Variants in NDUFA5 observed in about 807,000 individuals in gnomAD.
The protein encoded by NDUFA5 is NADH:ubiquinone oxidoreductase subunit A5, also known as NADH dehydrogenase [ubiquinone] 1 alpha subcomplex subunit 5.
Under a neutral mutation model 19.8 loss-of-function variants are expected in NDUFA5, and 11 were observed. The ratio of observed to expected loss-of-function variants is 0.56; its 90% CI spans 0.35 to 0.92. The LOEUF is 0.92. NDUFA5 is among the 40% of genes least tolerant of loss of function. The pLI, the probability that NDUFA5 is intolerant of heterozygous loss-of-function variation, is 0.01. For synonymous variants in NDUFA5, 47 were observed against 46.8 expected (o/e 1.00, Z -0.01); for missense variants, 109 against 134.2 (o/e 0.81, Z 0.93).
the NDUFA5 span, among the ~76,000 whole-genome samples, chr7:123,568,351 A>AC: frequency 7.1e-5 from 10 of 140,156 alleles, no homozygotes; most frequent in Non-Finnish European, 1.5e-4. Context: ...CATCTCTACT[A>AC]AAAAAAAAAA....
the NDUFA5 span, among the ~76,000 whole-genome samples, chr7:123,580,984 A>C: frequency 1.1e-4 from 16 of 151,886 alleles, no homozygotes; most frequent in Non-Finnish European, 1.3e-4. Flanking sequence ...CAGGAAACCA[A>C]ACCAACAGGC....
At chr7:123,550,983 T>C (rs1798316166) in intron 2 of NDUFA5, among the ~76,000 whole-genome samples, 1 of 152,164 alleles carries the variant, frequency 6.6e-6, no homozygotes, top group Admixed American at 6.5e-5. Context: ...TGGAGTACAA[T>C]GGCATGATCT....
the NDUFA5 span, among the ~76,000 whole-genome samples, chr7:123,563,195 G>A: frequency 1.3e-5 from 2 of 152,134 alleles, no homozygotes; most frequent in Admixed American, 1.3e-4. Context: ...GCTAACTGGT[G>A]CAAGAGGCCT....
intron 3 of NDUFA5, among the ~76,000 whole-genome samples, chr7:123,548,949 T>G (rs1460570889): frequency 5.3e-5 from 8 of 152,040 alleles, no homozygotes; most frequent in African/African-American, 1.9e-4. Flanking sequence ...AAAAACACAA[T>G]AAAAATAACA....
At chr7:123,584,608 G>T in the NDUFA5 span, among the ~76,000 whole-genome samples, 11 of 151,840 alleles carry the variant, frequency 7.2e-5, no homozygotes, top group African/African-American at 2.4e-4. Context: ...ATTTTGTACA[G>T]AAAGCAAGAA....
At chr7:123,587,455 A>AG in the NDUFA5 span, among the ~76,000 whole-genome samples, 1 of 151,336 alleles carries the variant, frequency 6.6e-6, no homozygotes, top group East Asian at 1.9e-4. Context: ...GAAGTCTTTG[A>AG]GGTTTTTTTT....
chr7:123,542,270 A>G (rs764753225), intron 4 of NDUFA5, 50 bp from the exon 5 acceptor site: 2 of 1,357,150 alleles, frequency 1.5e-6, no homozygotes, highest in Non-Finnish European at 2.1e-6. Flanking sequence ...TCTTCAACAG[A>G]TATTTATCAG....
chr7:123,570,716 AT>A, the NDUFA5 span, among the ~76,000 whole-genome samples: 1 of 140,762 alleles, frequency 7.1e-6, no homozygotes, highest in African/African-American at 2.6e-5. Flanking sequence ...CAAGGGAGCT[AT>A]CAGACAATTT....
In NDUFA5 at chr7:123,554,083, C is replaced by T. The variant is rs146286900; in HGVS notation, c.66+3321G>A. On this transcript the variant is annotated intron_variant, in intron 2 of 4. Coordinates refer to ENST00000355749, the MANE Select transcript of NDUFA5 (RefSeq NM_005000.5). ...ACTGTGCTGTCTAAAACAGTAGATGCTAGCTAAATATGGCTACTGAGCATT... is the reference window on the plus strand; with the variant it reads ...ACTGTGCTGTCTAAAACAGTAGATGTTAGCTAAATATGGCTACTGAGCATT... Among the ~76,000 whole-genome samples, 430 of 152,266 alleles carry T rather than the reference C, an allele frequency of 2.8e-3. 1 individual carries two copies. Among genetic ancestry groups the T allele is most frequent in the Non-Finnish European group, 4.1e-3 (279 of 68,028 alleles).
chr7:123,563,376 G>C, the NDUFA5 span, among the ~76,000 whole-genome samples: 1 of 152,184 alleles, frequency 6.6e-6, no homozygotes, highest in African/African-American at 2.4e-5. Context: ...TCAGGGAATA[G>C]GAAGGCTAGA....
the NDUFA5 span, among the ~76,000 whole-genome samples, chr7:123,583,546 T>G: frequency 6.6e-6 from 1 of 152,008 alleles, no homozygotes; most frequent in Non-Finnish European, 1.5e-5. Context: ...GACATTCTCT[T>G]TATTCTAAAG....
chr7:123,589,570 G>T, the NDUFA5 span, among the ~76,000 whole-genome samples: 1 of 151,988 alleles, frequency 6.6e-6, no homozygotes, highest in Non-Finnish European at 1.5e-5. Context: ...AATATGCTGT[G>T]TTTGGTTTTA....
At chr7:123,572,658 C>T in the NDUFA5 span, among the ~76,000 whole-genome samples, 72,386 of 150,880 alleles carry the variant, frequency 0.48, 17,380 homozygotes, top group African/African-American at 0.51. Flanking sequence ...TATTACCCCA[C>T]GGTTTTTTGT....
Position 123,540,172 on chromosome 7 carries a change from T to G in NDUFA5, c.*1947A>C, listed in dbSNP as rs556637665. On this transcript the variant is annotated 3_prime_UTR_variant, in exon 5 of 5. Coordinates refer to ENST00000355749, the MANE Select transcript of NDUFA5 (RefSeq NM_005000.5). ...ATTTGTAGTATCACTCTTAGGGTTGTAGTGCAGGTTTAATGAGTGAAATTA... is the reference window on the plus strand; with the variant it reads ...ATTTGTAGTATCACTCTTAGGGTTGGAGTGCAGGTTTAATGAGTGAAATTA... 7 of 152,216 alleles carry G rather than the reference T, an allele frequency of 4.6e-5. No individual in the cohort carries two copies. The highest frequency in any genetic ancestry group is 1.7e-4 in the African/African-American group (7 of 41,454). 9.4% of individuals were successfully genotyped at this position (152,216 alleles called of 1,614,324 possible).
chr7:123,601,382 A>G, the NDUFA5 span, among the ~76,000 whole-genome samples: 1 of 152,212 alleles, frequency 6.6e-6, no homozygotes, highest in Non-Finnish European at 1.5e-5. Flanking sequence ...CAATTATTAA[A>G]CAAAAATCAA....
chr7:123,570,711 G>A, the NDUFA5 span, among the ~76,000 whole-genome samples: 1 of 140,688 alleles, frequency 7.1e-6, no homozygotes, highest in Non-Finnish European at 1.6e-5. Context: ...CACTGCAAGG[G>A]AGCTATCAGA....
chr7:123,597,880 A>T, the NDUFA5 span, among the ~76,000 whole-genome samples: 1 of 150,918 alleles, frequency 6.6e-6, no homozygotes, highest in Admixed American at 6.6e-5. Context: ...TAGGTTGATG[A>T]TCCATTAATG....
chr7:123,565,834 T>C, the NDUFA5 span, among the ~76,000 whole-genome samples: 1 of 152,124 alleles, frequency 6.6e-6, no homozygotes, highest in African/African-American at 2.4e-5. Context: ...CTGGCCACCA[T>C]GGTAAAACCC....
chr7:123,549,017 A>T (rs1171037733), intron 3 of NDUFA5, among the ~76,000 whole-genome samples: 1 of 138,614 alleles, frequency 7.2e-6, no homozygotes, highest in East Asian at 2.2e-4. Context: ...TTGTAGTATT[A>T]TAAGTAACCT....
Sources: gnomAD v4.1 joint callset for allele counts (sites outside exome capture counted in the v4.1 genomes callset) on GRCh38, gnomAD v4.1.1 for gene constraint, MANE v1.5 for transcripts, NCBI Gene and HGNC (gene_info 2026-07-23, HGNC 2026-07-21) for gene names.